RAI1: variants seen among roughly 807,000 people sequenced by gnomAD.
RAI1 encodes the protein retinoic acid induced 1.
Under a neutral mutation model 123.8 loss-of-function variants are expected in RAI1, and 9 were observed. The ratio of observed to expected loss-of-function variants is 0.07; its 90% confidence interval spans 0.04 to 0.13. RAI1 has a LOEUF of 0.13. Among genes scored for constraint, RAI1 ranks in the 10% least tolerant of loss-of-function variants. The probability of loss-of-function intolerance (pLI) is 1.00; values close to 1 mark genes in which losing one functional copy is unlikely to be tolerated. For missense variants in RAI1, 2,256 were observed against 2,545.8 expected (o/e 0.89, Z 2.45); for synonymous variants, 1,231 against 1,127.3 (o/e 1.09, Z -1.84).
At chr17:17,773,217 A>G (rs2031225955) in intron 2 of RAI1, among the ~76,000 whole-genome samples, 1 of 152,172 alleles carries the variant, frequency 6.6e-6, no homozygotes, top group African/African-American at 2.4e-5. Flanking sequence ...TTGGCTTTCC[A>G]TGGGCCCCAA....
chr17:17,722,395 GC>G (rs1321738306), intron 1 of RAI1, among the ~76,000 whole-genome samples: 7 of 152,200 alleles, frequency 4.6e-5, no homozygotes, highest in Admixed American at 4.6e-4. Context: ...CCTCACCGTG[GC>G]CCTGCCCTGT....
At chr17:17,697,458 C>T (rs557585365) in intron 1 of RAI1, among the ~76,000 whole-genome samples, 4 of 152,240 alleles carry the variant, frequency 2.6e-5, no homozygotes, top group Non-Finnish European at 4.4e-5. Flanking sequence ...CTGCAGCCAA[C>T]GGCCCGCTCT....
In RAI1 at chr17:17,797,148, C is replaced by T. The variant is rs896639044; in HGVS notation, c.4200C>T (p.Cys1400=). The T allele has an allele frequency of 6.2e-7, 1 of 1,614,034 alleles. No individual in the cohort carries two copies. The change falls in exon 3 of 6, where the codon TGC becomes TGT. Residue 1400 remains cysteine, a synonymous_variant. Coordinates refer to ENST00000353383, the MANE Select transcript of RAI1 (RefSeq NM_030665.4). ...KLPTSGADPL[C]RNPTNRSLKG... The stretch of plus-strand genomic sequence containing the variant: ...CAACTTCTGGGGCTGATCCGTTATG[C>T]AGAAATCCAACCAACAGATCCTTAA...
rs558426603 is a variant in RAI1, at chr17:17,802,031, C to T, written c.5566-1725C>T. On this transcript the variant is annotated intron_variant, in intron 3 of 5. Coordinates refer to ENST00000353383, the MANE Select transcript of RAI1 (RefSeq NM_030665.4). The stretch of plus-strand genomic sequence containing the variant: ...CTGCTGCCTTCTCTACCTCACCCCC[C>T]GCCCCCAGCACGGTGGCACTGTGGC... 7 of 469,784 alleles carry T rather than the reference C, an allele frequency of 1.5e-5. 1 individual carries two copies. The East Asian group carries it at 2.1e-4, about 14-fold the overall frequency. 29.1% of individuals were successfully genotyped at this position (469,784 alleles called of 1,614,324 possible). A position where few individuals can be genotyped will look rare whatever the true frequency, so the allele number is the denominator to read the frequency against.
intron 2 of RAI1, among the ~76,000 whole-genome samples, chr17:17,727,909 C>T (rs1916145591): frequency 6.6e-6 from 1 of 152,074 alleles, no homozygotes; most frequent in Admixed American, 6.5e-5. Context: ...AGACAGTATT[C>T]CCCATCAGAG....
intron 2 of RAI1, among the ~76,000 whole-genome samples, chr17:17,769,858 G>A (rs2031079838): frequency 6.6e-6 from 1 of 152,054 alleles, no homozygotes; most frequent in Non-Finnish European, 1.5e-5. Context: ...AGTGGAGACT[G>A]AAGAGATGGG....
chr17:17,789,866 T>C (rs1015782881), intron 2 of RAI1, among the ~76,000 whole-genome samples: 2 of 152,150 alleles, frequency 1.3e-5, no homozygotes, highest in Non-Finnish European at 2.9e-5. Flanking sequence ...GTGGTTGAGC[T>C]GGACCATGAG....
At chr17:17,808,343 G>A (rs1244325827) in intron 4 of RAI1, among the ~76,000 whole-genome samples, 3 of 149,768 alleles carry the variant, frequency 2.0e-5, no homozygotes, top group Non-Finnish European at 4.5e-5. Flanking sequence ...ACATGTGCAG[G>A]GTGGTTTATT....
At chr17:17,775,768 G>C (rs913095682) in intron 2 of RAI1, among the ~76,000 whole-genome samples, 2 of 152,148 alleles carry the variant, frequency 1.3e-5, no homozygotes, top group African/African-American at 4.8e-5. Flanking sequence ...GGGGGAGGCA[G>C]GAGAGGCAGG....
chr17:17,705,149 A>T (rs1428734558), intron 1 of RAI1, among the ~76,000 whole-genome samples: 3 of 152,060 alleles, frequency 2.0e-5, no homozygotes, highest in East Asian at 1.9e-4. Flanking sequence ...CTGATTCTTC[A>T]TCATCATCAT....
chr17:17,783,693 G>A (rs981756686), intron 2 of RAI1, among the ~76,000 whole-genome samples: 1 of 151,958 alleles, frequency 6.6e-6, no homozygotes, highest in Non-Finnish European at 1.5e-5. Context: ...CCTCGCGTGG[G>A]GCTCCTCGCC....
intron 2 of RAI1, among the ~76,000 whole-genome samples, chr17:17,788,667 G>A (rs1567908478): frequency 6.6e-6 from 1 of 152,158 alleles, no homozygotes; most frequent in Non-Finnish European, 1.5e-5. Context: ...GTAAGTAGGT[G>A]GGATGGAACC....
chr17:17,760,560 C>T (rs1203985200), intron 2 of RAI1, among the ~76,000 whole-genome samples: 1 of 152,216 alleles, frequency 6.6e-6, no homozygotes, highest in African/African-American at 2.4e-5. Context: ...ACGTCCACTC[C>T]CAGAGTCCCA....
chr17:17,802,649 A>C lies in RAI1; in HGVS notation c.5566-1107A>C, dbSNP rs368101724. On this transcript the variant is annotated intron_variant, in intron 3 of 5. Transcript: ENST00000353383. ...AAATTAGCCTGGCGTGGTGGCGGGC[A>C]CCTGTAGTCCCAGCTACTGGGGAGG... is the stretch of plus-strand genomic sequence containing the variant. Among the ~76,000 whole-genome samples, 45 of 152,140 alleles carry C rather than the reference A, an allele frequency of 3.0e-4. No individual in the cohort carries two copies. The South Asian group carries it at 8.3e-3, about 28-fold the overall frequency.
Position 17,797,073 on chromosome 17 carries a change from A to G in RAI1, c.4125A>G (p.Pro1375=), listed in dbSNP as rs1292993836. ...DRGLKGAGGS[P]VGVEEGLVNV... is the part of the protein sequence containing the mutation. ...GGCTCAAGGGTGCTGGGGGCAGCCCAGTGGGGGTGGAAGAAGGCCTGGTAA... is the reference window on the plus strand; with the variant it reads ...GGCTCAAGGGTGCTGGGGGCAGCCCGGTGGGGGTGGAAGAAGGCCTGGTAA... The change falls in exon 3 of 6, where the codon CCA becomes CCG. Residue 1375 remains proline, a synonymous_variant. Transcript: ENST00000353383. 2 of 1,613,834 alleles carry G rather than the reference A, an allele frequency of 1.2e-6. No individual in the cohort carries two copies. Among genetic ancestry groups the G allele is most frequent in the African/African-American group, 1.3e-5 (1 of 74,934 alleles).
Position 17,810,937 on chromosome 17 carries a change from A to G in RAI1, c.*956A>G, listed in dbSNP as rs2032745558. ...TATATATGTTACATAGAATGTATAT[A>G]TGTTGGGAACATGCTCGCTTCTCCC... On this transcript the variant is annotated 3_prime_UTR_variant, in exon 6 of 6. Coordinates refer to ENST00000353383, the MANE Select transcript of RAI1 (RefSeq NM_030665.4). This position sits in a 1 kb window ranked among gnomAD's most constrained non-coding sequence, Gnocchi z 4.6. 2.9e-6 allele frequency: 1 copy of G among 350,530 alleles called. No individual in the cohort carries two copies. The highest frequency in any genetic ancestry group is 5.9e-6 in the Non-Finnish European group (1 of 169,748). The allele number at this position is 350,530 out of a possible 1,614,324, so 21.7% of individuals were successfully genotyped here.
rs1357349915 is a variant in RAI1 at position 17,794,694 on chromosome 17, C to T, written c.1746C>T (p.Asp582=). The change falls in exon 3 of 6, where the codon GAC becomes GAT. Residue 582 remains aspartate, a synonymous_variant. Transcript: ENST00000353383. ...FQSLHGSLPL[D]SFSKFVAGER... is the part of the protein sequence containing the mutation. The stretch of plus-strand genomic sequence containing the variant: ...GCCTACACGGCAGTCTGCCGCTCGA[C>T]AGCTTCTCCAAGTTCGTGGCGGGTG... The T allele has an allele frequency of 6.2e-7, 1 of 1,612,996 alleles. No individual in the cohort carries two copies. Among genetic ancestry groups the T allele is most frequent in the East Asian group, 2.2e-5 (1 of 44,890 alleles).
intron 2 of RAI1, among the ~76,000 whole-genome samples, chr17:17,744,775 T>C (rs1194727466): frequency 1.5e-5 from 2 of 133,350 alleles, no homozygotes; most frequent in African/African-American, 6.2e-5. Context: ...GGGTGACAGG[T>C]TGAGACTCCG....
At chr17:17,786,290 C>T (rs560103327) in intron 2 of RAI1, among the ~76,000 whole-genome samples, 1 of 152,366 alleles carries the variant, frequency 6.6e-6, no homozygotes, top group South Asian at 2.1e-4. Context: ...CGCCACTCCA[C>T]TGCTCTTTCT....
Sources: allele counts gnomAD v4.1 joint callset (sites outside exome capture counted in the v4.1 genomes callset), GRCh38; gene constraint gnomAD v4.1.1; non-coding constraint Gnocchi (gnomAD v3.1); transcripts MANE v1.5; gene names NCBI Gene and HGNC (gene_info 2026-07-23, HGNC 2026-07-21).